NEGR1: variants seen among roughly 807,000 people sequenced by gnomAD.
The protein encoded by NEGR1 is neuronal growth regulator 1, also known as IgLON family member 4.
A neutral mutation model predicts 40.9 loss-of-function variants in NEGR1; 10 were observed. The ratio of observed to expected loss-of-function variants is 0.24; its 90% CI spans 0.15 to 0.42. The LOEUF (loss-of-function observed/expected upper bound fraction) is 0.42, where lower values mean the gene tolerates loss of function less well. NEGR1 is among the 10% of genes least tolerant of loss of function. The pLI is 1.00. For synonymous variants in NEGR1, 185 were observed against 166.8 expected (o/e 1.11, Z -0.84); for missense variants, 352 against 438.9 (o/e 0.80, Z 1.77).
At chr1:71,937,823 A>C (rs1279521826) in intron 1 of NEGR1, among the ~76,000 whole-genome samples, 1 of 152,088 alleles carries the variant, frequency 6.6e-6, no homozygotes, top group East Asian at 1.9e-4. Context: ...TTTACCATGA[A>C]AGTCTGATTT....
chr1:71,558,111 T>C (rs1048216083), intron 6 of NEGR1, among the ~76,000 whole-genome samples: 3 of 151,598 alleles, frequency 2.0e-5, no homozygotes, highest in African/African-American at 7.3e-5. Flanking sequence ...CTGGTGATGC[T>C]AACCTTAATA....
intron 2 of NEGR1, among the ~76,000 whole-genome samples, chr1:71,835,671 G>C (rs1309332446): frequency 1.3e-5 from 2 of 152,100 alleles, no homozygotes; most frequent in Non-Finnish European, 2.9e-5. Flanking sequence ...GAATCTTGCA[G>C]TTTCTGAATC....
intron 1 of NEGR1, among the ~76,000 whole-genome samples, chr1:72,189,469 T>G (rs1652736381): frequency 6.6e-6 from 1 of 151,556 alleles, no homozygotes; most frequent in Non-Finnish European, 1.5e-5. Context: ...TTCCATGCTG[T>G]GGTACCTCTG....
intron 6 of NEGR1, among the ~76,000 whole-genome samples, chr1:71,473,192 A>G (rs1430459959): frequency 1.3e-5 from 2 of 152,108 alleles, no homozygotes; most frequent in African/African-American, 2.4e-5. Context: ...TTGAAAGTGC[A>G]CATTCAATAC....
At chr1:71,430,979 C>A (rs111778053) in intron 6 of NEGR1, among the ~76,000 whole-genome samples, 19,544 of 151,948 alleles carry the variant, frequency 0.13, 1,695 homozygotes, top group Middle Eastern at 0.21. Context: ...GATCTCCTGA[C>A]CTCGTGATCC....
intron 6 of NEGR1, among the ~76,000 whole-genome samples, chr1:71,482,959 G>T (rs1047556793): frequency 1.3e-5 from 2 of 151,794 alleles, no homozygotes; most frequent in African/African-American, 4.8e-5. Context: ...GTGAGATAAA[G>T]AAATGAATTA....
At chr1:72,226,081 G>A (rs1165410206) in intron 1 of NEGR1, among the ~76,000 whole-genome samples, 1 of 151,612 alleles carries the variant, frequency 6.6e-6, no homozygotes, top group Non-Finnish European at 1.5e-5. Context: ...ATATTGTTAG[G>A]GTGGAAGTGA....
intron 6 of NEGR1, among the ~76,000 whole-genome samples, chr1:71,511,840 A>G (rs11209789): frequency 0.04 from 6,129 of 152,286 alleles, 403 homozygotes; most frequent in African/African-American, 0.14. Context: ...GAGAAAACAT[A>G]ATGAGGCCCA....
intron 1 of NEGR1, among the ~76,000 whole-genome samples, chr1:72,106,740 G>C (rs957532047): frequency 1.3e-5 from 2 of 151,734 alleles, no homozygotes; most frequent in African/African-American, 4.8e-5. Flanking sequence ...CCAGAGCAAT[G>C]GTAAATTAAA....
intron 2 of NEGR1, among the ~76,000 whole-genome samples, chr1:71,898,192 C>T (rs1057086832): frequency 2.6e-5 from 4 of 152,084 alleles, no homozygotes; most frequent in Non-Finnish European, 4.4e-5. Context: ...TTAAAATTTC[C>T]GTCATTGAGG....
At chr1:71,500,544 G>A (rs1055253194) in intron 6 of NEGR1, among the ~76,000 whole-genome samples, 4 of 152,016 alleles carry the variant, frequency 2.6e-5, no homozygotes, top group Admixed American at 6.6e-5. Context: ...AACATCAGAT[G>A]AAGTGCCACT....
At chr1:71,593,247 T>C (rs1373629335) in intron 5 of NEGR1, among the ~76,000 whole-genome samples, 2 of 152,098 alleles carry the variant, frequency 1.3e-5, no homozygotes, top group African/African-American at 4.8e-5. Flanking sequence ...GTTACATATT[T>C]TAGAAAATGA....
At chr1:71,520,616 T>C (rs1238314013) in intron 6 of NEGR1, among the ~76,000 whole-genome samples, 1 of 152,068 alleles carries the variant, frequency 6.6e-6, no homozygotes, top group African/African-American at 2.4e-5. Flanking sequence ...TTATTCAGAA[T>C]TGTGTTTAAG....
intron 1 of NEGR1, among the ~76,000 whole-genome samples, chr1:72,043,296 A>G (rs1646971885): frequency 6.6e-6 from 1 of 151,858 alleles, no homozygotes; most frequent in African/African-American, 2.4e-5. Flanking sequence ...TACTTTTGTA[A>G]ATCATTTCCT....
intron 6 of NEGR1, 83 bp downstream of exon 6, chr1:71,592,734 A>C (rs1649542425): frequency 1.8e-5 from 19 of 1,046,440 alleles, no homozygotes; most frequent in Non-Finnish European, 2.5e-5. Flanking sequence ...AAATGAACGT[A>C]CTCCATTCTT....
intron 6 of NEGR1, among the ~76,000 whole-genome samples, chr1:71,582,397 A>T (rs1013808961): frequency 6.6e-6 from 1 of 152,170 alleles, no homozygotes; most frequent in Non-Finnish European, 1.5e-5. Flanking sequence ...CCCACAGACT[A>T]TTATTTTGCT....
intron 6 of NEGR1, among the ~76,000 whole-genome samples, chr1:71,549,338 G>T (rs12733330): frequency 6.6e-6 from 1 of 151,666 alleles, no homozygotes; most frequent in Non-Finnish European, 1.5e-5. Flanking sequence ...TATCTGGAAA[G>T]AACAAAAGTT....
chr1:72,263,968 T>G (rs186856029), intron 1 of NEGR1, among the ~76,000 whole-genome samples: 1 of 151,270 alleles, frequency 6.6e-6, no homozygotes, highest in East Asian at 1.9e-4. Context: ...CTGGAAAGAG[T>G]AAAATATGAT....
chr1:72,114,873 C>A (rs533337463), intron 1 of NEGR1, among the ~76,000 whole-genome samples: 1 of 151,764 alleles, frequency 6.6e-6, no homozygotes, highest in African/African-American at 2.4e-5. Flanking sequence ...ACTGAACTTG[C>A]AATTAATTGA....
Sources: gnomAD v4.1 joint callset for allele counts (sites outside exome capture counted in the v4.1 genomes callset) on GRCh38, gnomAD v4.1.1 for gene constraint, MANE v1.5 for transcripts, NCBI Gene and HGNC (gene_info 2026-07-23, HGNC 2026-07-21) for gene names.